The following RAD51B variants were observed in gnomAD, a reference collection of about 807,000 sequenced individuals.
The protein encoded by RAD51B is RAD51 paralog B, also known as DNA repair protein RAD51 homolog 2.
A neutral mutation model predicts 42.2 loss-of-function variants in RAD51B; 38 were observed. That is an observed-to-expected ratio of 0.90 (90% CI 0.70 to 1.18). RAD51B has a LOEUF of 1.18. RAD51B is among the 50% of genes most tolerant of loss of function. RAD51B has a pLI of 0.00. For missense variants in RAD51B, 373 were observed against 400.7 expected (o/e 0.93, Z 0.59); for synonymous variants, 154 against 145.2 (o/e 1.06, Z -0.43).
chr14:67,951,112 T>C (rs7155840), intron 7 of RAD51B, among the ~76,000 whole-genome samples: 47,089 of 152,146 alleles, frequency 0.31, 9,970 homozygotes, highest in African/African-American at 0.6. Flanking sequence ...GACACGGACA[T>C]GAAATGAGCA....
intron 5 of RAD51B, among the ~76,000 whole-genome samples, chr14:67,869,463 G>A (rs903744519): frequency 6.6e-6 from 1 of 152,144 alleles, no homozygotes; most frequent in African/African-American, 2.4e-5. Context: ...CGTCTGATTG[G>A]TGTACCTGAA....
chr14:68,310,530 G>C (rs1330272740), intron 8 of RAD51B, among the ~76,000 whole-genome samples: 1 of 152,118 alleles, frequency 6.6e-6, no homozygotes, highest in Non-Finnish European at 1.5e-5. Flanking sequence ...GGGTGTGAGG[G>C]GGAAGGGGGC....
intron 8 of RAD51B, among the ~76,000 whole-genome samples, chr14:68,407,240 A>G (rs144935192): frequency 7.5e-4 from 115 of 152,362 alleles, no homozygotes; most frequent in African/African-American, 2.4e-3. Context: ...AGTATAGTAA[A>G]TACATAAAAG....
intron 10 of RAD51B, among the ~76,000 whole-genome samples, chr14:68,533,918 C>A (rs1337738248): frequency 6.6e-6 from 1 of 151,884 alleles, no homozygotes; most frequent in East Asian, 1.9e-4. Context: ...GAGTTTGGCA[C>A]GAGGAGAGAG....
intron 7 of RAD51B, among the ~76,000 whole-genome samples, chr14:68,015,556 G>T (rs1429437518): frequency 6.6e-6 from 1 of 152,160 alleles, no homozygotes; most frequent in African/African-American, 2.4e-5. Flanking sequence ...AGAGAAGAGG[G>T]CGCGTACAGA....
At chr14:68,109,556 A>G (rs930341312) in intron 7 of RAD51B, among the ~76,000 whole-genome samples, 6 of 151,994 alleles carry the variant, frequency 3.9e-5, no homozygotes, top group African/African-American at 1.4e-4. Context: ...TTCCCAGTGC[A>G]TTTCTCCAGA....
At chr14:68,004,422 A>G (rs954608905) in intron 7 of RAD51B, among the ~76,000 whole-genome samples, 3 of 150,600 alleles carry the variant, frequency 2.0e-5, no homozygotes, top group Admixed American at 2.0e-4. Context: ...TGTTTGTAGT[A>G]CCGATTTTTC....
intron 8 of RAD51B, among the ~76,000 whole-genome samples, chr14:68,359,856 G>A (rs528028683): frequency 4.6e-5 from 7 of 152,038 alleles, no homozygotes; most frequent in Non-Finnish European, 8.8e-5. Flanking sequence ...TAGTCTTTTC[G>A]TTTACTGAAA....
intron 9 of RAD51B, among the ~76,000 whole-genome samples, chr14:68,453,048 ATG>A (rs374436948): frequency 6.6e-6 from 1 of 151,712 alleles, no homozygotes; most frequent in Non-Finnish European, 1.5e-5. Flanking sequence ...CACATGTGGG[ATG>A]TGTGTGTGTG....
chr14:67,876,055 G>A (rs1359011027), intron 5 of RAD51B, among the ~76,000 whole-genome samples: 1 of 152,074 alleles, frequency 6.6e-6, no homozygotes, highest in African/African-American at 2.4e-5. Context: ...TTAGTGGGGA[G>A]GGAGATCCTG....
chr14:68,342,473 C>T (rs79116059), intron 8 of RAD51B, among the ~76,000 whole-genome samples: 2,414 of 152,288 alleles, frequency 0.016, 65 homozygotes, highest in African/African-American at 0.055. Flanking sequence ...TTGTCCTCCA[C>T]CAGCCATAGA....
rs138933148 is a variant in RAD51B, at chr14:68,028,561, C to G, written c.756+141357C>G. 3.6e-3 allele frequency among the ~76,000 whole-genome samples: 551 copies of G among 152,254 alleles called. 6 individuals carry two copies. The highest frequency in any genetic ancestry group is 0.013 in the African/African-American group (536 of 41,546). ...GCTGTCCACCACAGCCCTGGGGTGC[C>G]GGGACTAACTTGGGGCTCATCTGCT... is the stretch of plus-strand genomic sequence containing the variant. On this transcript the variant is annotated intron_variant, in intron 7 of 10. Transcript: ENST00000471583.
chr14:68,357,381 G>A (rs28808928), intron 8 of RAD51B, among the ~76,000 whole-genome samples: 4,069 of 152,148 alleles, frequency 0.027, 184 homozygotes, highest in African/African-American at 0.091. Flanking sequence ...TTCCAATGAA[G>A]TCTTGAACCC....
intron 7 of RAD51B, among the ~76,000 whole-genome samples, chr14:68,220,992 A>G (rs1259952676): frequency 6.6e-6 from 1 of 152,134 alleles, no homozygotes; most frequent in Non-Finnish European, 1.5e-5. Flanking sequence ...TTAGCTGGGC[A>G]TGGTGGCGCA....
At chr14:68,012,429 A>AG in intron 7 of RAD51B, among the ~76,000 whole-genome samples, 1 of 137,092 alleles carries the variant, frequency 7.3e-6, no homozygotes, top group South Asian at 2.2e-4. Flanking sequence ...AAAACAAAGA[A>AG]TTTTATATAT....
intron 10 of RAD51B, among the ~76,000 whole-genome samples, chr14:68,495,435 G>A (rs757926931): frequency 6.6e-6 from 1 of 152,176 alleles, no homozygotes; most frequent in Non-Finnish European, 1.5e-5. Context: ...AAGGATGTCC[G>A]ATGGCAGAGA....
chr14:68,450,457 G>T (rs1033191180), intron 9 of RAD51B, among the ~76,000 whole-genome samples: 2 of 152,126 alleles, frequency 1.3e-5, no homozygotes, highest in African/African-American at 4.8e-5. Flanking sequence ...GACCTCAGGT[G>T]ATCCACCCGC....
intron 7 of RAD51B, among the ~76,000 whole-genome samples, chr14:68,139,050 A>G (rs2078069921): frequency 1.3e-5 from 2 of 152,090 alleles, no homozygotes; most frequent in South Asian, 4.1e-4. Flanking sequence ...TTTTGTAATT[A>G]TAGCAGCTTT....
chr14:68,207,095 A>C (rs1001606535), intron 7 of RAD51B, among the ~76,000 whole-genome samples: 2 of 151,978 alleles, frequency 1.3e-5, no homozygotes, highest in South Asian at 4.2e-4. Context: ...CGGCCACCCC[A>C]GTTCTTTTCT....
Sources: allele counts gnomAD v4.1 joint callset (sites outside exome capture counted in the v4.1 genomes callset), GRCh38; gene constraint gnomAD v4.1.1; transcripts MANE v1.5; gene names NCBI Gene and HGNC (gene_info 2026-07-23, HGNC 2026-07-21).